Variants in MPPED1 observed in about 807,000 individuals in gnomAD.
MPPED1 encodes metallophosphoesterase domain-containing protein 1.
MPPED1 carries 16 observed loss-of-function variants against 36.2 expected under a neutral mutation model. The observed-to-expected ratio is 0.44, with a 90% CI of 0.30 to 0.67. The LOEUF is 0.67. Ranked by LOEUF, MPPED1 falls within the 30% of genes least tolerant of loss-of-function variation. The probability of loss-of-function intolerance (pLI) is 0.10; values close to 1 mark genes in which losing one functional copy is unlikely to be tolerated. For synonymous variants in MPPED1, 199 were observed against 191.3 expected, an observed-to-expected ratio of 1.04 and a Z score of -0.33; for missense variants, 307 against 453.4, an observed-to-expected ratio of 0.68 and a Z score of 2.93.
chr22:43,452,686 G>C (rs1037633177), intron 3 of MPPED1, among the ~76,000 whole-genome samples: 11 of 152,222 alleles, frequency 7.2e-5, no homozygotes, highest in Non-Finnish European at 1.5e-4. Flanking sequence ...CTGGAGTGCA[G>C]TGGCATGATC....
chr22:43,433,645 G>T (rs1929846468), intron 2 of MPPED1, among the ~76,000 whole-genome samples: 1 of 152,220 alleles, frequency 6.6e-6, no homozygotes, highest in Non-Finnish European at 1.5e-5. Context: ...GGGAGAGGCT[G>T]GCTCGGCGCC....
chr22:43,433,045 T>G (rs903943196), intron 2 of MPPED1, among the ~76,000 whole-genome samples: 1 of 152,056 alleles, frequency 6.6e-6, no homozygotes, highest in Non-Finnish European at 1.5e-5. Flanking sequence ...TTGGCTGCCC[T>G]TGGTCTGATC....
At chr22:43,464,267 A>C (rs758733748) in intron 3 of MPPED1, among the ~76,000 whole-genome samples, 143 of 149,816 alleles carry the variant, frequency 9.5e-4, no homozygotes, top group Non-Finnish European at 1.8e-3. Flanking sequence ...TATGAATTGA[A>C]CATCTGAAAG....
At chr22:43,432,228 G>C (rs1034225735) in intron 2 of MPPED1, among the ~76,000 whole-genome samples, 11 of 99,772 alleles carry the variant, frequency 1.1e-4, no homozygotes, top group African/African-American at 3.5e-4. Flanking sequence ...GAGACACAGA[G>C]AGAAAGAAAG....
intron 2 of MPPED1, among the ~76,000 whole-genome samples, chr22:43,433,035 T>C (rs536766751): frequency 2.6e-5 from 4 of 152,112 alleles, no homozygotes; most frequent in South Asian, 4.1e-4. Flanking sequence ...CCAGTAGCAA[T>C]TGGCTGCCCT....
intron 2 of MPPED1, among the ~76,000 whole-genome samples, chr22:43,433,254 G>A (rs913811469): frequency 2.0e-5 from 3 of 152,016 alleles, no homozygotes; most frequent in South Asian, 4.2e-4. Flanking sequence ...CCTTCTCTGC[G>A]CCCTGTCCCC....
chr22:43,465,840 C>T (rs897385932), intron 3 of MPPED1, among the ~76,000 whole-genome samples: 10 of 152,126 alleles, frequency 6.6e-5, no homozygotes, highest in Admixed American at 1.3e-4. Context: ...CAAGGTTGGA[C>T]GAGGAGGGCT....
rs764563091 is a variant in MPPED1, at chr22:43,435,232, C to T, written c.406+17C>T. ...AGTGGCTGGGTAGGTCCCTCCTGCC[C>T]CGGGCGGGCGGCTGTGCTGAGCAGG... is the stretch of plus-strand genomic sequence containing the variant. On this transcript the variant is annotated intron_variant, in intron 3 of 6. Coordinates refer to ENST00000443721, the MANE Select transcript of MPPED1 (RefSeq NM_001044370.2). The T allele has an allele frequency of 6.3e-7, 1 of 1,595,910 alleles. No individual in the cohort carries two copies. The highest frequency in any genetic ancestry group is 1.1e-5 in the South Asian group (1 of 90,544).
chr22:43,469,690 G>A (rs927896773), intron 3 of MPPED1, among the ~76,000 whole-genome samples: 1 of 152,192 alleles, frequency 6.6e-6, no homozygotes. Context: ...TGTGGGTAAG[G>A]AGGGTGAGTC....
chr22:43,436,415 G>A (rs1283272584), intron 3 of MPPED1, among the ~76,000 whole-genome samples: 1 of 152,244 alleles, frequency 6.6e-6, no homozygotes, highest in African/African-American at 2.4e-5. Context: ...GCCGCGGTGA[G>A]CCAGGGGCCC....
At chr22:43,458,641 C>T (rs982832420) in intron 3 of MPPED1, among the ~76,000 whole-genome samples, 2 of 152,192 alleles carry the variant, frequency 1.3e-5, no homozygotes, top group African/African-American at 4.8e-5. Context: ...TCTATTTCTT[C>T]ATATGGATTT....
chr22:43,455,115 C>CTTTTTT (rs71284734), intron 3 of MPPED1, among the ~76,000 whole-genome samples: 16 of 122,780 alleles, frequency 1.3e-4, no homozygotes, highest in African/African-American at 5.2e-4. Flanking sequence ...CCTTCATGTC[C>CTTTTTT]TTTTTTTTTT....
At position 43,435,188 on chromosome 22, in the gene MPPED1, G is replaced by A. The variant is rs868326310; in HGVS notation, c.379G>A (p.Glu127Lys). 2 of 1,611,122 alleles carry A rather than the reference G, an allele frequency of 1.2e-6. No homozygotes were observed. Among genetic ancestry groups the A allele is most frequent in the Non-Finnish European group, 1.7e-6 (2 of 1,179,850 alleles). Residue 127 changes from glutamate to lysine, a missense_variant, in exon 3 of 7, where the codon GAG (glutamate) becomes AAG (lysine). Coordinates refer to ENST00000443721, the MANE Select transcript of MPPED1 (RefSeq NM_001044370.2). The part of the protein sequence containing the change: ...GDFTELGLPS[E>K]VKKFNEWLGS... The stretch of plus-strand genomic sequence containing the variant: ...CTTCACTGAGCTGGGGCTCCCGAGC[G>A]AGGTGAAGAAGTTCAACGAGTGGCT...
chr22:43,451,378 G>C (rs1265424618), intron 3 of MPPED1, among the ~76,000 whole-genome samples: 1 of 152,226 alleles, frequency 6.6e-6, no homozygotes, highest in Non-Finnish European at 1.5e-5. Context: ...GCATTTAAAA[G>C]TTAGAATTTA....
rs62234090 is a variant in MPPED1, at chr22:43,431,134, C to T, written c.225-3900C>T. On this transcript the variant is annotated intron_variant, in intron 2 of 6. Coordinates refer to ENST00000443721, the MANE Select transcript of MPPED1 (RefSeq NM_001044370.2). ...TCAGCTCACTGTAACTTCCGCCTCCCGGGTTCAAGCGATTCTCCTGTCTCA... is the reference window on the plus strand; with the variant it reads ...TCAGCTCACTGTAACTTCCGCCTCCTGGGTTCAAGCGATTCTCCTGTCTCA... 1.5e-4 allele frequency among the ~76,000 whole-genome samples: 21 copies of T among 138,350 alleles called. No individual in the cohort carries two copies. The East Asian group carries it at 3.2e-3, about 21-fold the overall frequency. 90.8% of individuals were successfully genotyped at this position (138,350 alleles called of 152,430 possible).
At chr22:43,444,279 G>GGGGTGT (rs1234228311) in intron 3 of MPPED1, among the ~76,000 whole-genome samples, 3,202 of 141,936 alleles carry the variant, frequency 0.023, 77 homozygotes, top group African/African-American at 0.049. Context: ...GACCCACTGG[G>GGGGTGT]GTGTGTGTGT....
At chr22:43,431,122 A>G (rs1929671221) in intron 2 of MPPED1, among the ~76,000 whole-genome samples, 1 of 130,480 alleles carries the variant, frequency 7.7e-6, no homozygotes, top group South Asian at 2.5e-4. Context: ...GCTCACTGTA[A>G]CTTCCGCCTC....
Position 43,507,479 on chromosome 22 carries a change from G to C in MPPED1, c.*1863G>C, listed in dbSNP as rs1335762104. ...GTGCAGGGCTCCAGGAATCCCGTTTGGCTGAAGGGGTTCCTGTAGCCAGGG... is the reference window on the plus strand; with the variant it reads ...GTGCAGGGCTCCAGGAATCCCGTTTCGCTGAAGGGGTTCCTGTAGCCAGGG... On this transcript the variant is annotated 3_prime_UTR_variant, in exon 7 of 7. Transcript: ENST00000443721. 6.6e-6 allele frequency: 1 copy of C among 152,178 alleles called. No homozygotes were observed. Among genetic ancestry groups the C allele is most frequent in the Admixed American group, 6.5e-5 (1 of 15,276 alleles). The allele number at this position is 152,178 out of a possible 1,614,324, so 9.4% of individuals were successfully genotyped here.
intron 4 of MPPED1, among the ~76,000 whole-genome samples, chr22:43,480,842 G>A (rs1290778283): frequency 2.5e-5 from 2 of 80,362 alleles, no homozygotes; most frequent in Non-Finnish European, 4.8e-5. Flanking sequence ...TTTTTTTTTT[G>A]AGATGGAGTC....
Sources: allele counts gnomAD v4.1 joint callset (sites outside exome capture counted in the v4.1 genomes callset), GRCh38; gene constraint gnomAD v4.1.1; transcripts MANE v1.5; gene names NCBI Gene and HGNC (gene_info 2026-07-23, HGNC 2026-07-21).